Variants in FBXO38 observed in about 807,000 individuals in gnomAD.
FBXO38 encodes F-box protein 38.
Under a neutral mutation model 131.9 loss-of-function variants are expected in FBXO38, and 53 were observed. The ratio of observed to expected loss-of-function variants is 0.40; its 90% CI spans 0.32 to 0.51. The LOEUF is 0.51. FBXO38 is among the 20% of genes least tolerant of loss of function. The pLI, the probability that FBXO38 is intolerant of heterozygous loss-of-function variation, is 0.53. For synonymous variants in FBXO38, 452 were observed against 505.6 expected (o/e 0.89, Z 1.42); for missense variants, 1,076 against 1,475.6 (o/e 0.73, Z 4.44).
chr5:148,395,513 A>G (rs891630574), intron 2 of FBXO38, among the ~76,000 whole-genome samples: 4 of 151,778 alleles, frequency 2.6e-5, no homozygotes, highest in African/African-American at 9.7e-5. Context: ...TCTAGTTTCC[A>G]CTGCTCTCTT....
At chr5:148,400,103 T>C (rs184938808) in intron 3 of FBXO38, among the ~76,000 whole-genome samples, 1 of 149,346 alleles carries the variant, frequency 6.7e-6, no homozygotes, top group Admixed American at 6.6e-5. Flanking sequence ...CCATAGTAGT[T>C]ATCAATATAT....
intron 14 of FBXO38, 106 bp downstream of exon 14, chr5:148,425,807 G>A: frequency 1.1e-6 from 1 of 946,186 alleles, no homozygotes; most frequent in Non-Finnish European, 1.6e-6. Context: ...ATTACGGAAT[G>A]TGACAGGAAG....
chr5:148,424,135 C>T lies in FBXO38; in HGVS notation c.1738+18C>T. 1 of 1,600,622 alleles carries T rather than the reference C, an allele frequency of 6.2e-7. No homozygotes were observed. Among genetic ancestry groups the T allele is most frequent in the Non-Finnish European group, 8.5e-7 (1 of 1,174,292 alleles). ...ACAAGCAGGTAATCATGTGATCCAT[C>T]CCACATTCATCATTCTGAAACTACG... On this transcript the variant is annotated intron_variant, in intron 13 of 21. Transcript: ENST00000340253.
intron 17 of FBXO38, among the ~76,000 whole-genome samples, chr5:148,436,536 C>A (rs1754356095): frequency 1.3e-5 from 2 of 152,164 alleles, no homozygotes; most frequent in African/African-American, 4.8e-5. Flanking sequence ...TAAAACACTT[C>A]TGGTCCCAAG....
chr5:148,395,209 G>A (rs1307952516), intron 2 of FBXO38, among the ~76,000 whole-genome samples: 1 of 152,044 alleles, frequency 6.6e-6, no homozygotes, highest in Non-Finnish European at 1.5e-5. Flanking sequence ...ATTTTTATTG[G>A]CTAATAGATT....
At position 148,410,780 on chromosome 5, in the gene FBXO38, A is replaced by C. The variant is rs769980160; in HGVS notation, c.1093+15A>C. 5 of 1,584,234 alleles carry C rather than the reference A, an allele frequency of 3.2e-6. No individual in the cohort carries two copies. In the African/African-American group the frequency reaches 6.8e-5, roughly 22 times the overall value. On this transcript the variant is annotated intron_variant, in intron 9 of 21. Transcript: ENST00000340253. ...TTTGCTACAGAGTAAGATTTATCCC[A>C]TTTTAATTCCTAGAATTACTGTAAG...
At chr5:148,404,913 A>G in intron 6 of FBXO38, 91 bp downstream of exon 6, 1 of 1,126,448 alleles carries the variant, frequency 8.9e-7, no homozygotes, top group Non-Finnish European at 1.2e-6. Context: ...ATACAATTAT[A>G]TTATGCTATT....
chr5:148,405,019 A>T lies in FBXO38; in HGVS notation c.730+197A>T, dbSNP rs551167519. Among the ~76,000 whole-genome samples the T allele has an allele frequency of 1.8e-3, 269 of 151,420 alleles. 1 individual carries two copies. The highest frequency in any genetic ancestry group is 6.2e-3 in the African/African-American group (259 of 41,442). ...GATGATTTGTGTTTGACCTCAGCAA[A>T]AAAAAAAAAACAAAACTCAGAATAT... On this transcript the variant is annotated intron_variant, in intron 6 of 21. Coordinates refer to ENST00000340253, the MANE Select transcript of FBXO38 (RefSeq NM_205836.3).
chr5:148,421,336 C>T (rs1753417397), intron 12 of FBXO38, among the ~76,000 whole-genome samples: 1 of 152,088 alleles, frequency 6.6e-6, no homozygotes, highest in Non-Finnish European at 1.5e-5. Flanking sequence ...TTGAAAACCA[C>T]TGATTTTGTA....
chr5:148,430,761 T>A (rs1352641368), intron 15 of FBXO38: 1 of 152,236 alleles, frequency 6.6e-6, no homozygotes, highest in Non-Finnish European at 1.5e-5. Context: ...GTTTTTAATT[T>A]ATGGCCCTGT....
intron 2 of FBXO38, among the ~76,000 whole-genome samples, chr5:148,397,447 T>C (rs989261147): frequency 1.3e-5 from 2 of 152,168 alleles, no homozygotes; most frequent in African/African-American, 2.4e-5. Context: ...GAGAAAAATA[T>C]TACAGTGGCA....
intron 5 of FBXO38, among the ~76,000 whole-genome samples, chr5:148,402,799 C>G (rs962348978): frequency 3.5e-4 from 54 of 152,138 alleles, no homozygotes; most frequent in Non-Finnish European, 7.1e-4. Context: ...TCAAATTTGT[C>G]ACCTTTGGCT....
chr5:148,438,207 T>A, intron 17 of FBXO38, 125 bp from the exon 18 acceptor site: 2 of 796,002 alleles, frequency 2.5e-6, no homozygotes, highest in Non-Finnish European at 3.8e-6. Flanking sequence ...CTGTGATTTG[T>A]ACTCTATGAT....
intron 6 of FBXO38, among the ~76,000 whole-genome samples, chr5:148,405,043 A>C (rs1752365119): frequency 6.6e-6 from 1 of 150,668 alleles, no homozygotes; most frequent in Admixed American, 6.6e-5. Flanking sequence ...AACTCAGAAT[A>C]TCTCTATTTT....
At chr5:148,411,763 T>G (rs1369864922) in intron 9 of FBXO38, among the ~76,000 whole-genome samples, 1 of 152,184 alleles carries the variant, frequency 6.6e-6, no homozygotes, top group African/African-American at 2.4e-5. Flanking sequence ...AAAGATCAGC[T>G]TTTCTCCAAA....
At chr5:148,429,602 G>A (rs1214803226) in intron 15 of FBXO38, among the ~76,000 whole-genome samples, 3 of 151,986 alleles carry the variant, frequency 2.0e-5, no homozygotes. Context: ...ACTAAGCTTG[G>A]TTTTTGTTTG....
chr5:148,401,365 A>G (rs1350829332), intron 3 of FBXO38, among the ~76,000 whole-genome samples: 4 of 152,178 alleles, frequency 2.6e-5, no homozygotes, highest in African/African-American at 9.7e-5. Context: ...CTGAGATTGG[A>G]TCACTCTGGT....
At chr5:148,436,562 T>C (rs1239535302) in intron 17 of FBXO38, among the ~76,000 whole-genome samples, 1 of 150,640 alleles carries the variant, frequency 6.6e-6, no homozygotes, top group Non-Finnish European at 1.5e-5. Context: ...CAGATAAAGG[T>C]TCGTCAACCT....
At chr5:148,409,100 C>T (rs775450074) in intron 7 of FBXO38, 24 bp from the exon 8 acceptor site, 3 of 1,399,098 alleles carry the variant, frequency 2.1e-6, no homozygotes, top group South Asian at 1.2e-5. Flanking sequence ...TGGTCAAACA[C>T]TTGTTTTTGT....
Sources: gnomAD v4.1 joint callset for allele counts (sites outside exome capture counted in the v4.1 genomes callset) on GRCh38, gnomAD v4.1.1 for gene constraint, MANE v1.5 for transcripts, NCBI Gene and HGNC (gene_info 2026-07-23, HGNC 2026-07-21) for gene names.